ALPK2: variants seen among roughly 807,000 people sequenced by gnomAD.
ALPK2 encodes the protein alpha-protein kinase 2.
A neutral mutation model predicts 163.1 loss-of-function variants in ALPK2; 127 were observed. The observed-to-expected ratio is 0.78, with a 90% confidence interval of 0.67 to 0.90. The LOEUF (loss-of-function observed/expected upper bound fraction) is 0.90. Among genes scored for constraint, ALPK2 ranks in the 40% least tolerant of loss-of-function variants. The probability of loss-of-function intolerance (pLI) is 0.00; values close to 1 mark genes in which losing one functional copy is unlikely to be tolerated. For missense variants in ALPK2, 2,360 were observed against 2,589.6 expected, an observed-to-expected ratio of 0.91 and a Z score of 1.92; for synonymous variants, 953 against 959.1, an observed-to-expected ratio of 0.99 and a Z score of 0.12.
At chr18:58,528,578 G>C (rs2051595663) in intron 6 of ALPK2, among the ~76,000 whole-genome samples, 1 of 152,002 alleles carries the variant, frequency 6.6e-6, no homozygotes, top group Non-Finnish European at 1.5e-5. Context: ...AAATAAACAG[G>C]TTTTCCCATC....
chr18:58,591,903 A>G (rs1276537942), intron 3 of ALPK2, among the ~76,000 whole-genome samples: 1 of 152,218 alleles, frequency 6.6e-6, no homozygotes, highest in Non-Finnish European at 1.5e-5. Flanking sequence ...CAGGTGGATC[A>G]GGAGATATGG....
chr18:58,485,184 G>A (rs544940389), intron 12 of ALPK2, among the ~76,000 whole-genome samples: 7 of 152,270 alleles, frequency 4.6e-5, no homozygotes, highest in East Asian at 1.9e-4. Flanking sequence ...AGTGCTGGCC[G>A]TTGTTGCTTA....
intron 11 of ALPK2, among the ~76,000 whole-genome samples, chr18:58,502,584 G>A (rs2051438128): frequency 6.6e-6 from 1 of 152,206 alleles, no homozygotes; most frequent in African/African-American, 2.4e-5. Context: ...GCTAGAGCTT[G>A]AGATCCTCAT....
intron 4 of ALPK2, among the ~76,000 whole-genome samples, chr18:58,550,599 C>T (rs1317399782): frequency 1.3e-5 from 2 of 150,070 alleles, no homozygotes; most frequent in Admixed American, 6.6e-5. Flanking sequence ...AACCCATCCC[C>T]ATCTATATCA....
chr18:58,611,568 C>T, intron 2 of ALPK2, 121 bp downstream of exon 2: 1 of 873,302 alleles, frequency 1.1e-6, no homozygotes, highest in Non-Finnish European at 1.8e-6. Flanking sequence ...ATTGATTACA[C>T]AGAAAAAAAA....
chr18:58,548,352 G>A (rs2051730835), intron 4 of ALPK2, among the ~76,000 whole-genome samples: 1 of 150,700 alleles, frequency 6.6e-6, no homozygotes, highest in African/African-American at 2.4e-5. Context: ...TTGAGATGGA[G>A]TCTCACTATG....
chr18:58,569,353 G>A (rs903244783), intron 4 of ALPK2, among the ~76,000 whole-genome samples: 5 of 152,246 alleles, frequency 3.3e-5, no homozygotes, highest in African/African-American at 1.2e-4. Context: ...AACCCAGGCA[G>A]CTGAATGTTC....
At chr18:58,552,464 A>G (rs1170230629) in intron 4 of ALPK2, among the ~76,000 whole-genome samples, 2 of 152,240 alleles carry the variant, frequency 1.3e-5, no homozygotes, top group Non-Finnish European at 2.9e-5. Flanking sequence ...ACAGAGACAG[A>G]AATAACTTGC....
Position 58,514,994 on chromosome 18 carries a change from C to T in ALPK2, c.6028G>A (p.Glu2010Lys), listed in dbSNP as rs903091374. Residue 2010 changes from glutamate (E) to lysine (K), a missense_variant and splice_region_variant, in exon 10 of 13, where the codon GAG (glutamate) becomes AAG (lysine). Coordinates refer to ENST00000361673, the MANE Select transcript of ALPK2 (RefSeq NM_052947.4). ...QPLEGFGEVP[E>K]IIPIFLIHRP... The stretch of plus-strand genomic sequence containing the variant: ...ACAAGGCAGGGTAAACACACTTACT[C>T]AGGTACTTCTCCAAAGCCTTCCAGA... 8 of 1,611,468 alleles carry T rather than the reference C, an allele frequency of 5.0e-6. No homozygotes were observed. In the African/African-American group the frequency reaches 9.3e-5, roughly 19 times the overall value.
chr18:58,589,044 C>T (rs2052002051), intron 3 of ALPK2, among the ~76,000 whole-genome samples: 1 of 152,090 alleles, frequency 6.6e-6, no homozygotes. Flanking sequence ...TCCAGAAGTC[C>T]AAGGAACACA....
Position 58,535,476 on chromosome 18 carries a change from C to G in ALPK2, c.4711G>C (p.Asp1571His). ...TGACGCTTTCTGGGCTCAACTATGTCATTTTCAGGGACGTCATGAATTTGG... is the reference window on the plus strand; with the variant it reads ...TGACGCTTTCTGGGCTCAACTATGTGATTTTCAGGGACGTCATGAATTTGG... ...TGQIHDVPEN[D>H]IVEPRKRQYV... Residue 1571 changes from aspartate to histidine, a missense_variant, in exon 5 of 13, where the codon GAC (aspartate) becomes CAC (histidine). Coordinates refer to ENST00000361673, the MANE Select transcript of ALPK2 (RefSeq NM_052947.4). The G allele has an allele frequency of 6.2e-7, 1 of 1,614,196 alleles. No individual in the cohort carries two copies. The highest frequency in any genetic ancestry group is 8.5e-7 in the Non-Finnish European group (1 of 1,180,034).
chr18:58,579,824 A>G lies in ALPK2; in HGVS notation c.952T>C (p.Tyr318His). 1.2e-6 allele frequency: 2 copies of G among 1,614,178 alleles called. No homozygotes were observed. Among genetic ancestry groups the G allele is most frequent in the Non-Finnish European group, 1.7e-6 (2 of 1,180,018 alleles). Residue 318 changes from tyrosine to histidine, a missense_variant, in exon 4 of 13, where the codon TAC (tyrosine) becomes CAC (histidine). Transcript: ENST00000361673. ...YELCPEITLT[Y>H]TEEFSDDDLE... Reference sequence around the variant, plus strand: ...TCATCATCTGAAAACTCCTCGGTGTAGGTTAGGGTTATCTCTGGGCAAAGT... The same window carrying G: ...TCATCATCTGAAAACTCCTCGGTGTGGGTTAGGGTTATCTCTGGGCAAAGT...
intron 12 of ALPK2, among the ~76,000 whole-genome samples, chr18:58,497,727 AG>A (rs2051408246): frequency 6.6e-6 from 1 of 152,224 alleles, no homozygotes; most frequent in Non-Finnish European, 1.5e-5. Context: ...TAAATGTAAA[AG>A]AACGGAATAT....
intron 12 of ALPK2, among the ~76,000 whole-genome samples, chr18:58,491,102 T>A (rs1318868387): frequency 6.6e-6 from 1 of 152,222 alleles, no homozygotes; most frequent in Non-Finnish European, 1.5e-5. Flanking sequence ...TATCTGCAAA[T>A]GGGAGTGAAA....
chr18:58,616,285 G>A (rs1022484639), intron 1 of ALPK2, among the ~76,000 whole-genome samples: 6 of 152,026 alleles, frequency 3.9e-5, no homozygotes, highest in African/African-American at 9.7e-5. Flanking sequence ...TAATGTTGGG[G>A]CACTTTTGGC....
intron 3 of ALPK2, among the ~76,000 whole-genome samples, chr18:58,590,612 T>C (rs934807494): frequency 6.6e-6 from 1 of 152,226 alleles, no homozygotes; most frequent in African/African-American, 2.4e-5. Flanking sequence ...CTGCTATCAA[T>C]AATCATTTTT....
At chr18:58,498,257 A>G (rs3826590) in intron 11 of ALPK2, among the ~76,000 whole-genome samples, 160 bp from the exon 12 acceptor site, 15,208 of 152,252 alleles carry the variant, frequency 0.1, 1,174 homozygotes, top group East Asian at 0.39. Context: ...AGCTTTAGGC[A>G]GGGACCATGG....
chr18:58,590,883 T>G (rs562064467), intron 3 of ALPK2, among the ~76,000 whole-genome samples: 1 of 152,290 alleles, frequency 6.6e-6, no homozygotes. Context: ...CCCACCTGCC[T>G]TCTTCCCCGG....
At chr18:58,549,979 T>C (rs1397065947) in intron 4 of ALPK2, among the ~76,000 whole-genome samples, 1 of 152,098 alleles carries the variant, frequency 6.6e-6, no homozygotes, top group Non-Finnish European at 1.5e-5. Flanking sequence ...TCACCCTGAC[T>C]CTGTCTCCGT....
Sources: allele counts gnomAD v4.1 joint callset (sites outside exome capture counted in the v4.1 genomes callset), GRCh38; gene constraint gnomAD v4.1.1; transcripts MANE v1.5; gene names NCBI Gene and HGNC (gene_info 2026-07-23, HGNC 2026-07-21).